The following KCNIP4 variants were observed in gnomAD, a reference collection of about 807,000 sequenced individuals.
KCNIP4 encodes the protein potassium voltage-gated channel interacting protein 4.
In KCNIP4, 12 loss-of-function variants were observed where a neutral mutation model predicts 34.0. That is an observed-to-expected ratio of 0.35 (90% CI 0.23 to 0.57). The LOEUF is 0.57. Among genes scored for constraint, KCNIP4 ranks in the 20% least tolerant of loss-of-function variants. The pLI, the probability that KCNIP4 is intolerant of heterozygous loss-of-function variation, is 0.83. For synonymous variants in KCNIP4, 124 were observed against 102.2 expected (o/e 1.21, Z -1.29); for missense variants, 238 against 311.7 (o/e 0.76, Z 1.78).
At chr4:21,810,470 C>T (rs549876060) in intron 1 of KCNIP4, among the ~76,000 whole-genome samples, 2 of 152,102 alleles carry the variant, frequency 1.3e-5, no homozygotes, top group Non-Finnish European at 2.9e-5. Flanking sequence ...ACGGGTGGAT[C>T]ACGAGGTCAG....
intron 1 of KCNIP4, among the ~76,000 whole-genome samples, chr4:21,112,025 G>GTATCCATCTATCTATCTATC (rs35053587): frequency 7.8e-5 from 9 of 114,730 alleles, no homozygotes; most frequent in South Asian, 2.7e-4. Context: ...TCCTTTCTCT[G>GTATCCATCTATCTATCTATC]TATCTATCTA....
intron 1 of KCNIP4, among the ~76,000 whole-genome samples, chr4:20,963,728 C>T (rs76872197): frequency 0.032 from 4,891 of 152,092 alleles, 255 homozygotes; most frequent in African/African-American, 0.11. Flanking sequence ...TTAAGGATAA[C>T]TGAGCTCAGA....
chr4:21,840,199 T>C (rs1379519410), intron 1 of KCNIP4, among the ~76,000 whole-genome samples: 1 of 151,480 alleles, frequency 6.6e-6, no homozygotes, highest in African/African-American at 2.4e-5. Context: ...TGAAATAAGA[T>C]ACTAGATACA....
At chr4:20,766,048 CAA>C (rs1372533950) in intron 3 of KCNIP4, among the ~76,000 whole-genome samples, 2 of 152,012 alleles carry the variant, frequency 1.3e-5, no homozygotes, top group African/African-American at 2.4e-5. Flanking sequence ...GTGATGATGA[CAA>C]TGATGATACT....
intron 1 of KCNIP4, among the ~76,000 whole-genome samples, chr4:21,181,764 C>A (rs1355741953): frequency 6.6e-6 from 1 of 152,102 alleles, no homozygotes; most frequent in South Asian, 2.1e-4. Context: ...TCATTACATA[C>A]CATTACTACA....
At chr4:21,589,867 A>C (rs1254325390) in intron 1 of KCNIP4, among the ~76,000 whole-genome samples, 1 of 151,992 alleles carries the variant, frequency 6.6e-6, no homozygotes, top group African/African-American at 2.4e-5. Context: ...AATATTTGTT[A>C]AATAGTTGAA....
In KCNIP4 at chr4:21,105,581, A is replaced by C. The variant is rs902378206; in HGVS notation, c.62-222872T>G. Among the ~76,000 whole-genome samples the C allele has an allele frequency of 5.9e-5, 9 of 151,444 alleles. No homozygotes were observed. In the South Asian group the frequency reaches 6.2e-4, roughly 10 times the overall value. ...CTTCCTCTTTTCCTAATTGAATACC[A>C]TTTATTTCCTTCTCCTGCCTAATTG... On this transcript the variant is annotated intron_variant, in intron 1 of 8. Coordinates refer to ENST00000382152, the MANE Select transcript of KCNIP4 (RefSeq NM_025221.6).
At chr4:21,446,124 A>G (rs989527316) in intron 1 of KCNIP4, among the ~76,000 whole-genome samples, 8 of 152,296 alleles carry the variant, frequency 5.3e-5, no homozygotes, top group African/African-American at 1.9e-4. Flanking sequence ...TCAGGAAACA[A>G]CAGGTGCTGG....
chr4:21,887,649 T>C (rs894648491), intron 1 of KCNIP4, among the ~76,000 whole-genome samples: 2 of 152,160 alleles, frequency 1.3e-5, no homozygotes, highest in Non-Finnish European at 2.9e-5. Flanking sequence ...CTTTAGTCAT[T>C]GTCATGCTTA....
In KCNIP4 at chr4:21,690,579, T is replaced by A. The variant is rs553742918; in HGVS notation, c.61+257992A>T. Reference sequence around the variant, plus strand: ...TTCACTTTCCACCATGATTGTAAGCTTCCTGAGGCCTCACCAGAAGCCAAG... The same window carrying A: ...TTCACTTTCCACCATGATTGTAAGCATCCTGAGGCCTCACCAGAAGCCAAG... On this transcript the variant is annotated intron_variant, in intron 1 of 8. Transcript: ENST00000382152. Among the ~76,000 whole-genome samples the A allele has an allele frequency of 2.0e-5, 3 of 152,266 alleles. No individual in the cohort carries two copies. In the South Asian group the frequency reaches 6.2e-4, roughly 32 times the overall value.
chr4:20,986,992 G>A (rs757884701), intron 1 of KCNIP4, among the ~76,000 whole-genome samples: 5 of 152,130 alleles, frequency 3.3e-5, no homozygotes, highest in African/African-American at 1.2e-4. Flanking sequence ...GTATGCGGGG[G>A]CTCTTTCACA....
chr4:21,509,912 G>A (rs1734163814), intron 1 of KCNIP4, among the ~76,000 whole-genome samples: 1 of 151,990 alleles, frequency 6.6e-6, no homozygotes, highest in Non-Finnish European at 1.5e-5. Flanking sequence ...GAGGTCAGGA[G>A]TTCGAGACCA....
intron 1 of KCNIP4, among the ~76,000 whole-genome samples, chr4:21,218,405 ATTC>A (rs1757765437): frequency 2.6e-5 from 4 of 152,056 alleles, no homozygotes; most frequent in South Asian, 2.1e-4. Flanking sequence ...TATTATCAGT[ATTC>A]TTCATTTCAT....
intron 1 of KCNIP4, among the ~76,000 whole-genome samples, chr4:21,369,569 C>T (rs961748650): frequency 1.4e-5 from 2 of 146,846 alleles, no homozygotes; most frequent in African/African-American, 5.5e-5. Flanking sequence ...TACACTCCAG[C>T]CTGGGTGCCA....
At chr4:20,740,099 C>T (rs1020392501) in intron 5 of KCNIP4, among the ~76,000 whole-genome samples, 1 of 152,184 alleles carries the variant, frequency 6.6e-6, no homozygotes, top group Non-Finnish European at 1.5e-5. Context: ...AAGGCCAAAT[C>T]TACGTCTGAT....
chr4:21,900,989 G>A (rs560585406), intron 1 of KCNIP4, among the ~76,000 whole-genome samples: 44 of 152,196 alleles, frequency 2.9e-4, no homozygotes, highest in African/African-American at 9.9e-4. Flanking sequence ...ATCATTTTCT[G>A]TAAATTTTCA....
At chr4:21,106,592 T>C (rs1748562286) in intron 1 of KCNIP4, among the ~76,000 whole-genome samples, 1 of 151,538 alleles carries the variant, frequency 6.6e-6, no homozygotes. Context: ...TGTGTCTCTA[T>C]TTCCTTCAGG....
chr4:21,107,597 AC>A, intron 1 of KCNIP4, among the ~76,000 whole-genome samples: 1 of 148,870 alleles, frequency 6.7e-6, no homozygotes, highest in Non-Finnish European at 1.5e-5. Context: ...TAGTCCATTT[AC>A]ATTTAAAGTT....
intron 1 of KCNIP4, among the ~76,000 whole-genome samples, chr4:20,960,961 C>T (rs1022672137): frequency 3.9e-5 from 6 of 152,066 alleles, no homozygotes; most frequent in African/African-American, 1.2e-4. Flanking sequence ...TTTGCAGTTT[C>T]GAAAATGCAT....
Sources: allele counts gnomAD v4.1 joint callset (sites outside exome capture counted in the v4.1 genomes callset), GRCh38; gene constraint gnomAD v4.1.1; transcripts MANE v1.5; gene names NCBI Gene and HGNC (gene_info 2026-07-23, HGNC 2026-07-21).